Variants in CEBPD observed in about 807,000 individuals in gnomAD.
The protein encoded by CEBPD is CCAAT/enhancer-binding protein delta.
For missense variants in CEBPD, 410 were observed against 409.4 expected (o/e 1.00, Z -0.01); for synonymous variants, 227 against 194.8 (o/e 1.17, Z -1.38).
chr8:47,737,217 G>T lies in CEBPD; in HGVS notation c.*94C>A. On this transcript the variant is annotated 3_prime_UTR_variant, in exon 1 of 1. Coordinates refer to ENST00000408965, the MANE Select transcript of CEBPD (RefSeq NM_005195.4). ...CAAGAAACTGCAGCGGGCACCCGGC[G>T]GCTCTGGCTGCGCCAGGGCAGGGCG... is the stretch of plus-strand genomic sequence containing the variant. 1.7e-6 allele frequency: 2 copies of T among 1,177,210 alleles called. No homozygotes were observed. The highest frequency in any genetic ancestry group is 2.3e-6 in the Non-Finnish European group (2 of 865,496). 72.9% of individuals were successfully genotyped at this position (1,177,210 alleles called of 1,614,324 possible). A position where few individuals can be genotyped will look rare whatever the true frequency, so the allele number is the denominator to read the frequency against.
rs757464546 is a variant in CEBPD, at chr8:47,737,474, T to A, written c.647A>T (p.Asn216Ile). 6.2e-7 allele frequency: 1 copy of A among 1,609,024 alleles called. No individual in the cohort carries two copies. The highest frequency in any genetic ancestry group is 8.5e-7 in the Non-Finnish European group (1 of 1,179,134). ...RKSRDKAKRRNQEMQQKLVEL... is the reference protein window; with the variant it reads ...RKSRDKAKRRIQEMQQKLVEL... ...CACCAACTTCTGCTGCATCTCCTGG[T>A]TGCGCCGCTTGGCCTTGTCGCGGCT... The change falls in exon 1 of 1, where the codon AAC becomes ATC. Residue 216 changes from asparagine to isoleucine, a missense_variant. Physicochemically the swap from Asn to Ile is moderately radical, Grantham distance 149 (BLOSUM62 -3). Coordinates refer to ENST00000408965, the MANE Select transcript of CEBPD (RefSeq NM_005195.4).
chr8:47,737,425 CT>C lies in CEBPD; in HGVS notation c.695del (p.Lys232SerfsTer81). The part of the protein sequence containing the change: ...KLVELSAENE[K>X]LHQRVEQLTR... Reference sequence around the variant, plus strand: ...TGAGCTGCTCCACGCGCTGGTGCAGCTTCTCGTTCTCAGCCGACAGCTCCAC... The same window carrying C: ...TGAGCTGCTCCACGCGCTGGTGCAGCTCTCGTTCTCAGCCGACAGCTCCAC... On this transcript the variant is annotated frameshift_variant, in exon 1 of 1. Coordinates refer to ENST00000408965, the MANE Select transcript of CEBPD (RefSeq NM_005195.4). LOFTEE classifies it high-confidence loss of function. The C allele has an allele frequency of 6.2e-7, 1 of 1,606,688 alleles. No individual in the cohort carries two copies. The highest frequency in any genetic ancestry group is 8.5e-7 in the Non-Finnish European group (1 of 1,178,244).
chr8:47,737,768 A>AGGCGGGGAGC lies in CEBPD; in HGVS notation c.343_352dup (p.Leu118ArgfsTer115). On this transcript the variant is annotated frameshift_variant, in exon 1 of 1. Transcript: ENST00000408965. LOFTEE classifies it low-confidence loss of function (END_TRUNC). ...GCCCCAGTCGGGCTCGCGCTTGAGC[A>AGGCGGGGAGC]GGCGGGGAGCGGCAGGGCCCGGGCC... The AGGCGGGGAGC allele has an allele frequency of 7.9e-7, 1 of 1,258,190 alleles. No individual in the cohort carries two copies. The highest frequency in any genetic ancestry group is 3.2e-5 in the East Asian group (1 of 30,828). The allele number at this position is 1,258,190 out of a possible 1,614,324, so 77.9% of individuals were successfully genotyped here.
rs1346895662 is a variant in CEBPD, at chr8:47,737,988, G to A, written c.133C>T (p.Pro45Ser). 3 of 1,456,896 alleles carry A rather than the reference G, an allele frequency of 2.1e-6. No individual in the cohort carries two copies. The highest frequency in any genetic ancestry group is 2.7e-6 in the Non-Finnish European group (3 of 1,099,704). The allele number at this position is 1,456,896 out of a possible 1,614,324, so 90.2% of individuals were successfully genotyped here. ...RGAEPGALGE[P>S]GAAAPAMYDD... Reference sequence around the variant, plus strand: ...TACATGGCGGGGGCGGCGGCGCCTGGCTCGCCTAGGGCCCCTGGCTCGGCC... The same window carrying A: ...TACATGGCGGGGGCGGCGGCGCCTGACTCGCCTAGGGCCCCTGGCTCGGCC... The change falls in exon 1 of 1, where the codon CCA becomes TCA. Residue 45 changes from proline (P) to serine (S), a missense_variant. Physicochemically the swap from Pro to Ser is moderately conservative, Grantham distance 74 (BLOSUM62 -1). Coordinates refer to ENST00000408965, the MANE Select transcript of CEBPD (RefSeq NM_005195.4).
rs2086289072 is a variant in CEBPD, at chr8:47,738,140, C to CT, written c.-21dup. Reference sequence around the variant, plus strand: ...GCTCATGGCGGCGTCGGGCCGGGCTCTGCGTCCAAGCGAGGCTGTCACCTC... The same window carrying CT: ...GCTCATGGCGGCGTCGGGCCGGGCTCTTGCGTCCAAGCGAGGCTGTCACCTC... On this transcript the variant is annotated 5_prime_UTR_variant, in exon 1 of 1. Coordinates refer to ENST00000408965, the MANE Select transcript of CEBPD (RefSeq NM_005195.4). The surrounding 1 kb of genome is among the most constrained non-coding windows in gnomAD (Gnocchi z 4.1). The CT allele has an allele frequency of 8.6e-7, 1 of 1,166,780 alleles. No individual in the cohort carries two copies. Among genetic ancestry groups the CT allele is most frequent in the Admixed American group, 4.7e-5 (1 of 21,464 alleles). 72.3% of individuals were successfully genotyped at this position (1,166,780 alleles called of 1,614,324 possible).
In CEBPD at chr8:47,737,805, CG is replaced by C; in HGVS notation, c.315del (p.Ala106ArgfsTer42). ...AGPLELLPGG[P>X]ARPLGPGPAA... ...GCAGGGCCCGGGCCCAAGGGGCGCG[CG>C]GGGCCGCCGGGAAGAAGCTCCAGGG... On this transcript the variant is annotated frameshift_variant, in exon 1 of 1. Coordinates refer to ENST00000408965, the MANE Select transcript of CEBPD (RefSeq NM_005195.4). LOFTEE classifies it low-confidence loss of function (END_TRUNC). 1 of 1,349,428 alleles carries C rather than the reference CG, an allele frequency of 7.4e-7. No individual in the cohort carries two copies. Among genetic ancestry groups the C allele is most frequent in the Non-Finnish European group, 9.5e-7 (1 of 1,053,174 alleles). The allele number at this position is 1,349,428 out of a possible 1,614,324, so 83.6% of individuals were successfully genotyped here.
At position 47,737,765 on chromosome 8, in the gene CEBPD, A is replaced by G; in HGVS notation, c.356T>C (p.Leu119Pro). The change falls in exon 1 of 1, where the codon CTC becomes CCC. Residue 119 changes from leucine (L) to proline (P), a missense_variant. Coordinates refer to ENST00000408965, the MANE Select transcript of CEBPD (RefSeq NM_005195.4). ...GTCGCCCCAGTCGGGCTCGCGCTTG[A>G]GCAGGCGGGGAGCGGCAGGGCCCGG... is the stretch of plus-strand genomic sequence containing the variant. ...LGPGPAAPRL[L>P]KREPDWGDGD... 8.8e-6 allele frequency: 11 copies of G among 1,254,866 alleles called. No homozygotes were observed. The highest frequency in any genetic ancestry group is 1.1e-5 in the Non-Finnish European group (11 of 1,002,946). 77.7% of individuals were successfully genotyped at this position (1,254,866 alleles called of 1,614,324 possible).
rs1475050615 is a variant in CEBPD, at chr8:47,737,477, C to T, written c.644G>A (p.Arg215His). The change falls in exon 1 of 1, where the codon CGC becomes CAC. Residue 215 changes from arginine to histidine, a missense_variant. By Grantham distance (29) the Arg-to-His change is conservative. Coordinates refer to ENST00000408965, the MANE Select transcript of CEBPD (RefSeq NM_005195.4). ...CAACTTCTGCTGCATCTCCTGGTTG[C>T]GCCGCTTGGCCTTGTCGCGGCTCTT... is the stretch of plus-strand genomic sequence containing the variant. Reference protein sequence around the residue: ...VRKSRDKAKRRNQEMQQKLVE... With the variant: ...VRKSRDKAKRHNQEMQQKLVE... 3.1e-6 allele frequency: 5 copies of T among 1,608,804 alleles called. No homozygotes were observed. The highest frequency in any genetic ancestry group is 2.2e-5 in the East Asian group (1 of 44,708).
chr8:47,738,098 A>G lies in CEBPD; in HGVS notation c.23T>C (p.Leu8Pro). The stretch of plus-strand genomic sequence containing the variant: ...GGGCGCGCCGCGCGCCGGGCCGTCC[A>G]GGCTGAAGAGCGCGGCGCTCATGGC... MSAALFS[L>P]DGPARGAPWP... Residue 8 changes from leucine (L) to proline (P), a missense_variant, in exon 1 of 1, where the codon CTG becomes CCG. Physicochemically the swap from Leu to Pro is moderately conservative, Grantham distance 98. Coordinates refer to ENST00000408965, the MANE Select transcript of CEBPD (RefSeq NM_005195.4). This position sits in a 1 kb window ranked among gnomAD's most constrained non-coding sequence, Gnocchi z 4.1. 1 of 1,183,594 alleles carries G rather than the reference A, an allele frequency of 8.4e-7. No homozygotes were observed. 73.3% of individuals were successfully genotyped at this position (1,183,594 alleles called of 1,614,324 possible).
At position 47,737,029 on chromosome 8, in the gene CEBPD, T is replaced by C. The variant is rs564181221; in HGVS notation, c.*282A>G. 2.6e-6 allele frequency: 1 copy of C among 387,544 alleles called. No homozygotes were observed. Among genetic ancestry groups the C allele is most frequent in the African/African-American group, 2.1e-5 (1 of 48,036 alleles). 24.0% of individuals were successfully genotyped at this position (387,544 alleles called of 1,614,324 possible). A position where few individuals can be genotyped will look rare whatever the true frequency, so the allele number is the denominator to read the frequency against. The stretch of plus-strand genomic sequence containing the variant: ...CAAAGGGTTTGTCTGAAAAGTCTGG[T>C]TTTTTTTCTTTTTACAAATGTACCT... On this transcript the variant is annotated 3_prime_UTR_variant, in exon 1 of 1. Coordinates refer to ENST00000408965, the MANE Select transcript of CEBPD (RefSeq NM_005195.4).
In CEBPD at chr8:47,737,553, C is replaced by T. The variant is rs767389697; in HGVS notation, c.568G>A (p.Gly190Ser). ...KSAGKRGPDR[G>S]SPEYRQRRER... ...CGCCGCTGCCGGTACTCGGGGCTGC[C>T]GCGGTCCGGGCCCCTCTTGCCGGCG... The change falls in exon 1 of 1, where the codon GGC becomes AGC. Residue 190 changes from glycine (G) to serine (S), a missense_variant. Coordinates refer to ENST00000408965, the MANE Select transcript of CEBPD (RefSeq NM_005195.4). 2 of 1,593,952 alleles carry T rather than the reference C, an allele frequency of 1.3e-6. No individual in the cohort carries two copies. Among genetic ancestry groups the T allele is most frequent in the African/African-American group, 2.7e-5 (2 of 72,772 alleles).
At position 47,737,548 on chromosome 8, in the gene CEBPD, G is replaced by A; in HGVS notation, c.573C>T (p.Ser191=). 2 of 1,597,208 alleles carry A rather than the reference G, an allele frequency of 1.3e-6. No homozygotes were observed. The highest frequency in any genetic ancestry group is 1.7e-6 in the Non-Finnish European group (2 of 1,174,676). ...GCTCGCGCCGCTGCCGGTACTCGGG[G>A]CTGCCGCGGTCCGGGCCCCTCTTGC... is the stretch of plus-strand genomic sequence containing the variant. The part of the protein sequence containing the change: ...SAGKRGPDRG[S]PEYRQRRERN... Residue 191 remains serine (S), a synonymous_variant, in exon 1 of 1, where the codon AGC becomes AGT. Transcript: ENST00000408965.
chr8:47,737,851 G>A lies in CEBPD; in HGVS notation c.270C>T (p.His90=), dbSNP rs1229348269. The change falls in exon 1 of 1, where the codon CAC becomes CAT. Residue 90 remains histidine, a synonymous_variant. Transcript: ENST00000408965. ...ELFADLFNSN[H]KAGGAGPLEL... is the part of the protein sequence containing the mutation. The stretch of plus-strand genomic sequence containing the variant: ...CCAGGGGCCCCGCGCCGCCCGCCTT[G>A]TGATTGCTGTTGAAGAGGTCGGCGA... 5 of 1,491,746 alleles carry A rather than the reference G, an allele frequency of 3.4e-6. No homozygotes were observed. Among genetic ancestry groups the A allele is most frequent in the Non-Finnish European group, 4.5e-6 (5 of 1,118,422 alleles). The allele number at this position is 1,491,746 out of a possible 1,614,324, so 92.4% of individuals were successfully genotyped here.
chr8:47,738,148 A>G lies in CEBPD; in HGVS notation c.-28T>C, dbSNP rs1589675671. ...CGGCGTCGGGCCGGGCTCTGCGTCC[A>G]AGCGAGGCTGTCACCTCGCTGGGCC... On this transcript the variant is annotated 5_prime_UTR_variant, in exon 1 of 1. Transcript: ENST00000408965. This position sits in a 1 kb window ranked among gnomAD's most constrained non-coding sequence, Gnocchi z 4.1. 1 of 1,158,876 alleles carries G rather than the reference A, an allele frequency of 8.6e-7. No individual in the cohort carries two copies. Among genetic ancestry groups the G allele is most frequent in the Non-Finnish European group, 1.1e-6 (1 of 941,054 alleles). The allele number at this position is 1,158,876 out of a possible 1,614,324, so 71.8% of individuals were successfully genotyped here. A position where few individuals can be genotyped will look rare whatever the true frequency, so the allele number is the denominator to read the frequency against.
Position 47,737,472 on chromosome 8 carries a change from G to C in CEBPD, c.649C>G (p.Gln217Glu), listed in dbSNP as rs1420486078. The change falls in exon 1 of 1, where the codon CAG (glutamine) becomes GAG (glutamate). Residue 217 changes from glutamine (Q) to glutamate (E), a missense_variant. Gln to Glu is a conservative substitution (Grantham distance 29). Coordinates refer to ENST00000408965, the MANE Select transcript of CEBPD (RefSeq NM_005195.4). ...TCCACCAACTTCTGCTGCATCTCCT[G>C]GTTGCGCCGCTTGGCCTTGTCGCGG... ...KSRDKAKRRN[Q>E]EMQQKLVELS... The C allele has an allele frequency of 1.2e-6, 2 of 1,609,042 alleles. No individual in the cohort carries two copies. Among genetic ancestry groups the C allele is most frequent in the South Asian group, 2.2e-5 (2 of 90,622 alleles).
chr8:47,737,030 T>A lies in CEBPD; in HGVS notation c.*281A>T. On this transcript the variant is annotated 3_prime_UTR_variant, in exon 1 of 1. Coordinates refer to ENST00000408965, the MANE Select transcript of CEBPD (RefSeq NM_005195.4). ...AAAGGGTTTGTCTGAAAAGTCTGGT[T>A]TTTTTTCTTTTTACAAATGTACCTT... 2.6e-6 allele frequency: 1 copy of A among 390,758 alleles called. No individual in the cohort carries two copies. Among genetic ancestry groups the A allele is most frequent in the Non-Finnish European group, 4.5e-6 (1 of 220,572 alleles). The allele number at this position is 390,758 out of a possible 1,614,324, so 24.2% of individuals were successfully genotyped here. A position where few individuals can be genotyped will look rare whatever the true frequency, so the allele number is the denominator to read the frequency against.
At position 47,737,305 on chromosome 8, in the gene CEBPD, C is replaced by T. The variant is rs746367193; in HGVS notation, c.*6G>A. 8.5e-5 allele frequency: 134 copies of T among 1,585,678 alleles called. No individual in the cohort carries two copies. The highest frequency in any genetic ancestry group is 1.1e-4 in the Non-Finnish European group (131 of 1,167,986). On this transcript the variant is annotated 3_prime_UTR_variant, in exon 1 of 1. Coordinates refer to ENST00000408965, the MANE Select transcript of CEBPD (RefSeq NM_005195.4). Reference sequence around the variant, plus strand: ...GTTGCTGAGTCTCTCCCGCCCCGGCCGCGCGTTACCGGCAGTCTGCTGTCC... The same window carrying T: ...GTTGCTGAGTCTCTCCCGCCCCGGCTGCGCGTTACCGGCAGTCTGCTGTCC...
rs925868099 is a variant in CEBPD, at chr8:47,737,053, C to T, written c.*258G>A. 1.6e-5 allele frequency: 7 copies of T among 432,688 alleles called. No individual in the cohort carries two copies. Among genetic ancestry groups the T allele is most frequent in the African/African-American group, 4.1e-5 (2 of 48,568 alleles). The allele number at this position is 432,688 out of a possible 1,614,324, so 26.8% of individuals were successfully genotyped here. The stretch of plus-strand genomic sequence containing the variant: ...GTTTTTTTTCTTTTTACAAATGTAC[C>T]TTAGCTGCATCAACAGGAGTAAGAT... On this transcript the variant is annotated 3_prime_UTR_variant, in exon 1 of 1. Coordinates refer to ENST00000408965, the MANE Select transcript of CEBPD (RefSeq NM_005195.4).
In CEBPD at chr8:47,737,970, CG is replaced by C; in HGVS notation, c.150del (p.Ala51ProfsTer97). On this transcript the variant is annotated frameshift_variant, in exon 1 of 1. Coordinates refer to ENST00000408965, the MANE Select transcript of CEBPD (RefSeq NM_005195.4). LOFTEE classifies it low-confidence loss of function (END_TRUNC). ...ATGGCGCTCTCGTCGTCGTACATGGCGGGGGCGGCGGCGCCTGGCTCGCCTA... is the reference window on the plus strand; with the variant it reads ...ATGGCGCTCTCGTCGTCGTACATGGCGGGGCGGCGGCGCCTGGCTCGCCTA... ...GALGEPGAAA[P>X]AMYDDESAID... 5 of 1,474,546 alleles carry C rather than the reference CG, an allele frequency of 3.4e-6. No individual in the cohort carries two copies. In the South Asian group the frequency reaches 4.0e-5, roughly 12 times the overall value. 91.3% of individuals were successfully genotyped at this position (1,474,546 alleles called of 1,614,324 possible).
Sources: gnomAD v4.1 joint callset for allele counts on GRCh38, gnomAD v4.1.1 for gene constraint, Gnocchi (gnomAD v3.1) non-coding constraint, MANE v1.5 for transcripts, NCBI Gene and HGNC (gene_info 2026-07-23, HGNC 2026-07-21) for gene names.